The following PRKG1 variants were observed in gnomAD, a reference collection of about 807,000 sequenced individuals.
PRKG1 encodes the protein protein kinase cGMP-dependent 1.
PRKG1 carries 35 observed loss-of-function variants against 88.1 expected under a neutral mutation model. The observed-to-expected ratio is 0.40, with a 90% confidence interval of 0.30 to 0.53. The LOEUF (loss-of-function observed/expected upper bound fraction) is 0.53, where lower values mean the gene tolerates loss of function less well. Among genes scored for constraint, PRKG1 ranks in the 20% least tolerant of loss-of-function variants. PRKG1 has a pLI of 0.59. For synonymous variants in PRKG1, 303 were observed against 292.5 expected, an observed-to-expected ratio of 1.04 and a Z score of -0.37; for missense variants, 540 against 839.8, an observed-to-expected ratio of 0.64 and a Z score of 4.41.
intron 5 of PRKG1, among the ~76,000 whole-genome samples, chr10:52,002,044 T>A (rs1844613589): frequency 6.6e-6 from 1 of 152,062 alleles, no homozygotes; most frequent in Non-Finnish European, 1.5e-5. Flanking sequence ...ATCAGTGAGA[T>A]CTATAAACCC....
At chr10:51,652,321 T>TAAA (rs55687079) in intron 3 of PRKG1, among the ~76,000 whole-genome samples, 200 of 149,972 alleles carry the variant, frequency 1.3e-3, no homozygotes, top group African/African-American at 4.3e-3. Flanking sequence ...TGACACAAAT[T>TAAA]AAAAAAAAAA....
At chr10:51,314,315 GT>G (rs1841266284) in intron 2 of PRKG1, among the ~76,000 whole-genome samples, 1 of 152,142 alleles carries the variant, frequency 6.6e-6, no homozygotes, top group African/African-American at 2.4e-5. Context: ...CATGCTGTCT[GT>G]TTTTCCTCTA....
At chr10:51,594,449 A>G (rs983273157) in intron 3 of PRKG1, among the ~76,000 whole-genome samples, 2 of 152,212 alleles carry the variant, frequency 1.3e-5, no homozygotes, top group African/African-American at 4.8e-5. Context: ...ATTACATCAC[A>G]ATAAATGTTA....
At chr10:51,164,403 A>G (rs1846467979) in intron 2 of PRKG1, among the ~76,000 whole-genome samples, 1 of 152,164 alleles carries the variant, frequency 6.6e-6, no homozygotes, top group Non-Finnish European at 1.5e-5. Context: ...TCTGTACATC[A>G]CCATCATCAA....
intron 2 of PRKG1, among the ~76,000 whole-genome samples, chr10:51,190,945 T>G (rs1375869837): frequency 6.6e-6 from 1 of 151,880 alleles, no homozygotes; most frequent in Non-Finnish European, 1.5e-5. Flanking sequence ...AATATGTGGT[T>G]GTTACAATTA....
intron 4 of PRKG1, among the ~76,000 whole-genome samples, chr10:51,863,572 A>G (rs1840940708): frequency 1.3e-5 from 2 of 152,148 alleles, no homozygotes; most frequent in South Asian, 2.1e-4. Context: ...CCAATGCAAC[A>G]GAGTTGAGAG....
At chr10:51,465,188 T>A (rs1839869650) in intron 2 of PRKG1, among the ~76,000 whole-genome samples, 2 of 152,134 alleles carry the variant, frequency 1.3e-5, no homozygotes, top group Admixed American at 1.3e-4. Flanking sequence ...TTAGTTCTGA[T>A]GTAATGGGTC....
At chr10:52,274,161 G>A (rs1841806778) in intron 12 of PRKG1, among the ~76,000 whole-genome samples, 1 of 151,414 alleles carries the variant, frequency 6.6e-6, no homozygotes, top group South Asian at 2.1e-4. Flanking sequence ...TTGGGGTACA[G>A]GTCATATTTG....
intron 3 of PRKG1, among the ~76,000 whole-genome samples, chr10:51,761,993 C>A (rs1402970836): frequency 6.6e-6 from 1 of 150,932 alleles, no homozygotes; most frequent in Non-Finnish European, 1.5e-5. Flanking sequence ...TGCTATTAAC[C>A]CCCAAATAGT....
Position 51,468,679 on chromosome 10 carries a change from C to T in PRKG1, c.592+843C>T, listed in dbSNP as rs560287762. On this transcript the variant is annotated intron_variant, in intron 3 of 17. Coordinates refer to ENST00000373980, the MANE Select transcript of PRKG1 (RefSeq NM_006258.4). ...TGACACATTTTCCTGTGGTTGATTT[C>T]AGTCACAGATTACTTTGATTAGGTT... Among the ~76,000 whole-genome samples the T allele has an allele frequency of 2.0e-5, 3 of 151,898 alleles. No individual in the cohort carries two copies. The South Asian group carries it at 6.2e-4, about 32-fold the overall frequency.
intron 3 of PRKG1, among the ~76,000 whole-genome samples, chr10:51,627,878 TC>T (rs368967132): frequency 4.6e-5 from 3 of 64,968 alleles, no homozygotes; most frequent in Admixed American, 1.6e-4. Context: ...TTCCTTCCCT[TC>T]CCTTCCCTTC....
At chr10:51,587,773 G>A (rs1838209231) in intron 3 of PRKG1, among the ~76,000 whole-genome samples, 1 of 152,132 alleles carries the variant, frequency 6.6e-6, no homozygotes, top group Admixed American at 6.6e-5. Context: ...ACCTGGACGA[G>A]TTTCAAAGTA....
chr10:52,202,480 G>A (rs1288487437), intron 9 of PRKG1, among the ~76,000 whole-genome samples: 1 of 152,034 alleles, frequency 6.6e-6, no homozygotes, highest in East Asian at 1.9e-4. Context: ...AAGGATATTG[G>A]CCTGGTGATT....
intron 2 of PRKG1, among the ~76,000 whole-genome samples, chr10:51,408,252 T>G (rs1009259050): frequency 2.6e-5 from 4 of 152,244 alleles, no homozygotes; most frequent in African/African-American, 9.6e-5. Flanking sequence ...GTATTGTAAT[T>G]GTGACTACCA....
chr10:51,452,200 C>T (rs1043124395), intron 2 of PRKG1, among the ~76,000 whole-genome samples: 7 of 151,730 alleles, frequency 4.6e-5, no homozygotes, highest in African/African-American at 1.7e-4. Flanking sequence ...GCTGTTATAC[C>T]CAATTTTTCC....
Position 51,357,404 on chromosome 10 carries a change from C to T in PRKG1, c.479-110319C>T, listed in dbSNP as rs139730734. Among the ~76,000 whole-genome samples, 49 of 152,080 alleles carry T rather than the reference C, an allele frequency of 3.2e-4. 1 individual carries two copies. The East Asian group carries it at 9.3e-3, about 29-fold the overall frequency. On this transcript the variant is annotated intron_variant, in intron 2 of 17. Coordinates refer to ENST00000373980, the MANE Select transcript of PRKG1 (RefSeq NM_006258.4). ...TGCCTTCTGTTGGAAATACCACTCT[C>T]TCATCAAGGGTGACTCGATTAGGAG...
intron 4 of PRKG1, among the ~76,000 whole-genome samples, chr10:51,808,337 C>T (rs1354972790): frequency 6.6e-6 from 1 of 152,016 alleles, no homozygotes; most frequent in Non-Finnish European, 1.5e-5. Flanking sequence ...TGGCTCAGGC[C>T]TGTAATCTCA....
At chr10:51,526,690 C>T (rs1160125794) in intron 3 of PRKG1, among the ~76,000 whole-genome samples, 2 of 152,214 alleles carry the variant, frequency 1.3e-5, no homozygotes, top group African/African-American at 2.4e-5. Context: ...CTAACACCCT[C>T]TGTAAAAACA....
intron 7 of PRKG1, among the ~76,000 whole-genome samples, chr10:52,094,691 T>G (rs138069754): frequency 6.6e-6 from 1 of 152,296 alleles, no homozygotes; most frequent in African/African-American, 2.4e-5. Context: ...TCTTCCTGGC[T>G]TGCAGACAGC....
Sources: allele counts gnomAD v4.1 joint callset (sites outside exome capture counted in the v4.1 genomes callset), GRCh38; gene constraint gnomAD v4.1.1; transcripts MANE v1.5; gene names NCBI Gene and HGNC (gene_info 2026-07-23, HGNC 2026-07-21).